Variants in PZP observed in about 807,000 individuals in gnomAD.
PZP encodes PZP alpha-2-macroglobulin like.
PZP carries 150 observed loss-of-function variants against 179.8 expected under a neutral mutation model. The ratio of observed to expected loss-of-function variants is 0.83; its 90% CI spans 0.73 to 0.96. The LOEUF is 0.96. Ranked by LOEUF, PZP falls within the 40% of genes least tolerant of loss-of-function variation. PZP has a pLI of 0.00. For synonymous variants in PZP, 624 were observed against 652.3 expected (o/e 0.96, Z 0.66); for missense variants, 1,689 against 1,764.0 (o/e 0.96, Z 0.76).
chr12:9,160,771 C>T (rs1018295970), intron 23 of PZP, among the ~76,000 whole-genome samples: 11 of 151,948 alleles, frequency 7.2e-5, no homozygotes, highest in South Asian at 2.1e-4. Context: ...AAAAATTAGC[C>T]GGGCGTGGTG....
At position 9,153,306 on chromosome 12, in the gene PZP, C is replaced by T. The variant is rs758367413; in HGVS notation, c.3812G>A (p.Gly1271Glu). 6 of 1,614,062 alleles carry T rather than the reference C, an allele frequency of 3.7e-6. No homozygotes were observed. The South Asian group carries it at 6.6e-5, about 18-fold the overall frequency. ...VVALHALSRY[G>E]AATFTRTEKT... is the part of the protein sequence containing the mutation. ...CTCAGTTCTGGTGAAAGTGGCTGCT[C>T]CATACCTGGACAGGGCATGGAGAGC... The change falls in exon 30 of 36, where the codon GGA (glycine) becomes GAA (glutamate). Residue 1271 changes from glycine (G) to glutamate (E), a missense_variant. By Grantham distance (98) the Gly-to-Glu change is moderately conservative (BLOSUM62 -2). This residue lies in a region of PZP where 746 missense variants were observed against 749.2 expected (regional missense o/e 1.00). Transcript: ENST00000261336.
At chr12:9,200,550 A>G (rs1272748074) in intron 6 of PZP, 102 bp from the exon 7 acceptor site, 24 of 899,806 alleles carry the variant, frequency 2.7e-5, no homozygotes, top group Non-Finnish European at 4.1e-5. Flanking sequence ...AACACTCTGA[A>G]TGTTAGATTT....
chr12:9,141,027 G>A, the PZP span, among the ~76,000 whole-genome samples: 3 of 152,096 alleles, frequency 2.0e-5, no homozygotes, highest in Admixed American at 6.5e-5. Flanking sequence ...GATTACTTCA[G>A]TCTCTAGGGG....
In PZP at chr12:9,152,930, G is replaced by T; in HGVS notation, c.4015C>A (p.Leu1339Ile). 1 of 1,614,120 alleles carries T rather than the reference G, an allele frequency of 6.2e-7. No homozygotes were observed. The highest frequency in any genetic ancestry group is 1.1e-5 in the South Asian group (1 of 91,064). ...AATGGGGAGTCCTCTTTCTCTGGAAGAATATTGTATTTCATGGATGTCTGT... is the reference window on the plus strand; with the variant it reads ...AATGGGGAGTCCTCTTTCTCTGGAATAATATTGTATTTCATGGATGTCTGT... ...YLQTSMKYNI[L>I]PEKEDSPFAL... The change falls in exon 31 of 36, where the codon CTT becomes ATT. Residue 1339 changes from leucine to isoleucine, a missense_variant. Physicochemically the swap from Leu to Ile is conservative, Grantham distance 5. Coordinates refer to ENST00000261336, the MANE Select transcript of PZP (RefSeq NM_002864.3).
At chr12:9,141,889 A>G in the PZP span, among the ~76,000 whole-genome samples, 1 of 152,212 alleles carries the variant, frequency 6.6e-6, no homozygotes, top group Admixed American at 6.5e-5. Context: ...CATGTGTCCT[A>G]GGTCTTACCT....
intron 34 of PZP, 147 bp from the exon 35 acceptor site, chr12:9,149,749 G>T: frequency 1.5e-6 from 1 of 646,458 alleles, no homozygotes; most frequent in Non-Finnish European, 2.6e-6. Context: ...AATTAAACAG[G>T]ATCATTAACA....
intron 11 of PZP, 118 bp downstream of exon 11, chr12:9,193,959 C>T: frequency 9.7e-7 from 1 of 1,031,290 alleles, no homozygotes; most frequent in African/African-American, 1.6e-5. Context: ...AATTTGTAAA[C>T]TCAAAGTTAG....
chr12:9,196,853 C>T (rs1482932730), intron 8 of PZP, among the ~76,000 whole-genome samples, 159 bp downstream of exon 8: 1 of 152,124 alleles, frequency 6.6e-6, no homozygotes, highest in African/African-American at 2.4e-5. Context: ...CAAAGTTAGT[C>T]GTCCAAATGA....
chr12:9,196,616 CA>C lies in PZP; in HGVS notation c.936del (p.Phe312LeufsTer3), dbSNP rs775052984. ...TKMLQITNTG[F>X]EMKLRVEARI... ...CTGGCTTCCACTCTAAGCTTCATTT[CA>C]AAGCCCGTATTTGTAATCTGGAGCA... On this transcript the variant is annotated frameshift_variant, in exon 9 of 36. Transcript: ENST00000261336. LOFTEE classifies it high-confidence loss of function. 12 of 1,613,688 alleles carry C rather than the reference CA, an allele frequency of 7.4e-6. No homozygotes were observed. Among genetic ancestry groups the C allele is most frequent in the African/African-American group, 2.7e-5 (2 of 74,914 alleles).
At position 9,165,310 on chromosome 12, in the gene PZP, C is replaced by G. The variant is rs748035567; in HGVS notation, c.2316G>C (p.Lys772Asn). 1.1e-5 allele frequency: 18 copies of G among 1,614,156 alleles called. No individual in the cohort carries two copies. The highest frequency in any genetic ancestry group is 1.5e-5 in the Non-Finnish European group (18 of 1,180,000). ...VTVPDTITEW[K>N]AGAFCLSEDA... The stretch of plus-strand genomic sequence containing the variant: ...CTTCGGACAGGCAGAAGGCCCCTGC[C>G]TTCCACTCGGTGATGGTGTCAGGGA... The change falls in exon 19 of 36, where the codon AAG becomes AAC. Residue 772 changes from lysine (K) to asparagine (N), a missense_variant. Around this residue, in one of 3 missense-constraint regions of PZP, gnomAD observed 201 missense variants for 284.2 expected, o/e 0.71. Transcript: ENST00000261336.
chr12:9,161,227 G>T, intron 22 of PZP, 111 bp from the exon 23 acceptor site: 2 of 872,170 alleles, frequency 2.3e-6, no homozygotes, highest in South Asian at 1.9e-5. Context: ...TATGGTACTG[G>T]CCCTGCTTTG....
chr12:9,168,778 G>A (rs1459997655), intron 17 of PZP, 91 bp downstream of exon 17: 9 of 942,486 alleles, frequency 9.5e-6, no homozygotes, highest in South Asian at 3.0e-5. Flanking sequence ...TGTATAAAGT[G>A]GAAATAGGGC....
At chr12:9,201,081 T>G in intron 5 of PZP, 21 bp from the exon 6 acceptor site, 1 of 1,612,978 alleles carries the variant, frequency 6.2e-7, no homozygotes, top group Non-Finnish European at 8.5e-7. Context: ...ACAAGAAACA[T>G]GGGCGGTAAT....
At position 9,158,549 on chromosome 12, in the gene PZP, G is replaced by T. The variant is rs765951100; in HGVS notation, c.3165C>A (p.Phe1055Leu). ...TWLTAFVLKTFAQARSYIFID... is the reference protein window; with the variant it reads ...TWLTAFVLKTLAQARSYIFID... ...TGAAGATGTAGGATCGAGCCTGGGC[G>T]AAAGTCTTCAGTACAAAAGCTGTGA... The change falls in exon 26 of 36, where the codon TTC becomes TTA. Residue 1055 changes from phenylalanine (F) to leucine (L), a missense_variant. Physicochemically the swap from Phe to Leu is conservative, Grantham distance 22. Around this residue, in one of 3 missense-constraint regions of PZP, gnomAD observed 746 missense variants for 749.2 expected, o/e 1.00. Coordinates refer to ENST00000261336, the MANE Select transcript of PZP (RefSeq NM_002864.3). The T allele has an allele frequency of 1.9e-6, 3 of 1,614,082 alleles. No individual in the cohort carries two copies. In the South Asian group the frequency reaches 3.3e-5, roughly 18 times the overall value.
intron 17 of PZP, among the ~76,000 whole-genome samples, chr12:9,166,772 G>A (rs934598323): frequency 1.3e-5 from 2 of 152,246 alleles, no homozygotes; most frequent in African/African-American, 4.8e-5. Flanking sequence ...AAACAATTCA[G>A]TTGTCAAAAA....
intron 7 of PZP, among the ~76,000 whole-genome samples, chr12:9,197,633 T>C (rs1293612377): frequency 2.9e-5 from 2 of 68,430 alleles, no homozygotes; most frequent in Non-Finnish European, 5.1e-5. Context: ...TATTATATTA[T>C]ATATTATATT....
At chr12:9,139,346 G>A in the PZP span, among the ~76,000 whole-genome samples, 1 of 152,166 alleles carries the variant, frequency 6.6e-6, no homozygotes, top group South Asian at 2.1e-4. Context: ...GACTTAATAT[G>A]TGACTTATCC....
chr12:9,164,110 C>T, intron 20 of PZP, 23 bp downstream of exon 20: 1 of 1,601,430 alleles, frequency 6.2e-7, no homozygotes. Flanking sequence ...GATTGATAGG[C>T]CCTTTTGGGT....
chr12:9,169,030 A>C (rs1366987678), intron 16 of PZP, 56 bp from the exon 17 acceptor site: 5 of 1,303,206 alleles, frequency 3.8e-6, no homozygotes, highest in Non-Finnish European at 5.5e-6. Context: ...TATATAAAAC[A>C]TATTATCCTT....
Sources: allele counts gnomAD v4.1 joint callset (sites outside exome capture counted in the v4.1 genomes callset), GRCh38; gene constraint gnomAD v4.1.1; regional missense constraint gnomAD v4.1.1; transcripts MANE v1.5; gene names NCBI Gene and HGNC (gene_info 2026-07-23, HGNC 2026-07-21).